Variants in SMCHD1 observed in about 807,000 individuals in gnomAD.
SMCHD1 encodes the protein structural maintenance of chromosomes flexible hinge domain containing 1.
A neutral mutation model predicts 254.7 loss-of-function variants in SMCHD1; 78 were observed. That is an observed-to-expected ratio of 0.31 (90% CI 0.26 to 0.37). SMCHD1 has a LOEUF of 0.37. SMCHD1 is among the 10% of genes least tolerant of loss of function. SMCHD1 has a pLI of 1.00. For missense variants in SMCHD1, 1,840 were observed against 2,408.1 expected (o/e 0.76, Z 4.94); for synonymous variants, 766 against 794.9 (o/e 0.96, Z 0.61).
chr18:2,735,432 A>G (rs2075230451), intron 25 of SMCHD1, among the ~76,000 whole-genome samples: 1 of 152,186 alleles, frequency 6.6e-6, no homozygotes, highest in Non-Finnish European at 1.5e-5. Flanking sequence ...AGTTCTACCC[A>G]GAGCAATCAG....
intron 46 of SMCHD1, 51 bp downstream of exon 46, chr18:2,796,158 A>G: frequency 7.3e-7 from 1 of 1,378,488 alleles, no homozygotes. Context: ...GGAGATAAAT[A>G]TTTATGATGA....
intron 3 of SMCHD1, among the ~76,000 whole-genome samples, chr18:2,671,034 T>TA (rs917622235): frequency 2.7e-5 from 4 of 150,096 alleles, no homozygotes; most frequent in Admixed American, 2.7e-4. Flanking sequence ...CCTCCTGGGT[T>TA]CAAGCAATTC....
intron 22 of SMCHD1, chr18:2,726,746 G>A: frequency 4.2e-6 from 1 of 237,364 alleles, no homozygotes; most frequent in Non-Finnish European, 8.0e-6. Context: ...AGAAAAATTT[G>A]GATATTGAAA....
chr18:2,768,065 G>A (rs938140526), intron 37 of SMCHD1, among the ~76,000 whole-genome samples: 9 of 152,110 alleles, frequency 5.9e-5, no homozygotes, highest in Admixed American at 2.6e-4. Flanking sequence ...TTAGTGAATT[G>A]TTATGTGGTG....
intron 36 of SMCHD1, 62 bp from the exon 37 acceptor site, chr18:2,763,575 C>T: frequency 7.7e-7 from 1 of 1,293,420 alleles, no homozygotes; most frequent in South Asian, 1.6e-5. Flanking sequence ...TTTGTACATG[C>T]TCTTCTCTGG....
intron 5 of SMCHD1, among the ~76,000 whole-genome samples, chr18:2,686,553 AT>A (rs537028567): frequency 3.9e-4 from 59 of 150,278 alleles, no homozygotes; most frequent in Non-Finnish European, 6.5e-4. Flanking sequence ...TTGTTTTAAG[AT>A]TTTTTTTTTA....
At chr18:2,738,769 T>C (rs2075297344) in intron 26 of SMCHD1, among the ~76,000 whole-genome samples, 1 of 152,136 alleles carries the variant, frequency 6.6e-6, no homozygotes, top group African/African-American at 2.4e-5. Flanking sequence ...TAAAGGAAAG[T>C]TTAGTGCCAG....
chr18:2,722,163 T>C (rs1289859275), intron 19 of SMCHD1, among the ~76,000 whole-genome samples: 2 of 152,158 alleles, frequency 1.3e-5, no homozygotes, highest in African/African-American at 4.8e-5. Flanking sequence ...CTCTTTCCTA[T>C]GAAAAGGTAT....
intron 3 of SMCHD1, among the ~76,000 whole-genome samples, chr18:2,669,335 G>A (rs749419014): frequency 1.3e-5 from 2 of 152,090 alleles, no homozygotes; most frequent in Admixed American, 1.3e-4. Flanking sequence ...GCAACAGAGT[G>A]AGCCTCTCTC....
At chr18:2,730,470 C>T (rs2075117278) in intron 24 of SMCHD1, among the ~76,000 whole-genome samples, 1 of 152,126 alleles carries the variant, frequency 6.6e-6, no homozygotes, top group South Asian at 2.1e-4. Flanking sequence ...GTGCCTGGCC[C>T]ACAAAGGGAT....
intron 34 of SMCHD1, among the ~76,000 whole-genome samples, chr18:2,759,337 G>C (rs1377077522): frequency 6.6e-6 from 1 of 151,958 alleles, no homozygotes; most frequent in African/African-American, 2.4e-5. Flanking sequence ...TTTGCAAGCT[G>C]GTCTGCTTTA....
Position 2,775,798 on chromosome 18 carries a change from G to A in SMCHD1, c.5240G>A (p.Ser1747Asn), listed in dbSNP as rs1249535855. 1 of 1,613,550 alleles carries A rather than the reference G, an allele frequency of 6.2e-7. No individual in the cohort carries two copies. Among genetic ancestry groups the A allele is most frequent in the African/African-American group, 1.3e-5 (1 of 75,040 alleles). ...AAMVISWHLA[S>N]DMDCVVTLTT... ...ATGGTTATTTCTTGGCATCTGGCAAGTGACATGGACTGTGTAGTCACCCTA... is the reference window on the plus strand; with the variant it reads ...ATGGTTATTTCTTGGCATCTGGCAAATGACATGGACTGTGTAGTCACCCTA... Residue 1747 changes from serine to asparagine, a missense_variant, in exon 42 of 48, where the codon AGT becomes AAT. Physicochemically the swap from Ser to Asn is conservative, Grantham distance 46. Coordinates refer to ENST00000320876, the MANE Select transcript of SMCHD1 (RefSeq NM_015295.3).
chr18:2,665,090 C>CT (rs2073398407), intron 1 of SMCHD1, among the ~76,000 whole-genome samples: 1 of 152,122 alleles, frequency 6.6e-6, no homozygotes, highest in Non-Finnish European at 1.5e-5. Context: ...AGCCTTTTCT[C>CT]TTAACTATAT....
rs1598380632 is a variant in SMCHD1 at position 2,732,386 on chromosome 18, A to C, written c.3170A>C (p.Glu1057Ala). ...GCAATTCAGATCAAACATCAGGATGAGGTTAATTGGATAGCGGGTGATATT... is the reference window on the plus strand; with the variant it reads ...GCAATTCAGATCAAACATCAGGATGCGGTTAATTGGATAGCGGGTGATATT... ...QKAIQIKHQDEVNWIAGDIMH... is the reference protein window; with the variant it reads ...QKAIQIKHQDAVNWIAGDIMH... Residue 1057 changes from glutamate to alanine, a missense_variant, in exon 25 of 48, where the codon GAG becomes GCG. Around this residue, in one of 9 missense-constraint regions of SMCHD1, gnomAD observed 881 missense variants for 1,009.5 expected, o/e 0.87. Coordinates refer to ENST00000320876, the MANE Select transcript of SMCHD1 (RefSeq NM_015295.3). The C allele has an allele frequency of 6.2e-7, 1 of 1,613,508 alleles. No individual in the cohort carries two copies. The highest frequency in any genetic ancestry group is 1.3e-5 in the African/African-American group (1 of 74,936).
intron 45 of SMCHD1, among the ~76,000 whole-genome samples, chr18:2,790,926 G>T (rs2076309300): frequency 6.6e-6 from 1 of 152,024 alleles, no homozygotes; most frequent in South Asian, 2.1e-4. Context: ...TTTTAAAAAT[G>T]AAAAACAAAG....
intron 1 of SMCHD1, among the ~76,000 whole-genome samples, chr18:2,660,975 A>T (rs1405848182): frequency 6.6e-6 from 1 of 152,214 alleles, no homozygotes; most frequent in African/African-American, 2.4e-5. Flanking sequence ...TGGCACATAT[A>T]CACCATGGAA....
chr18:2,770,212 A>C, intron 39 of SMCHD1, 104 bp downstream of exon 39: 1 of 1,186,922 alleles, frequency 8.4e-7, no homozygotes, highest in Non-Finnish European at 1.2e-6. Flanking sequence ...ATTACAAGTA[A>C]AATACAGAAT....
intron 39 of SMCHD1, among the ~76,000 whole-genome samples, chr18:2,770,874 G>A (rs1044613693): frequency 6.6e-6 from 1 of 152,026 alleles, no homozygotes; most frequent in African/African-American, 2.4e-5. Context: ...GCCCACCTTG[G>A]CCCCCACAAA....
chr18:2,757,832 C>G (rs1429805165), intron 34 of SMCHD1, among the ~76,000 whole-genome samples: 1 of 152,014 alleles, frequency 6.6e-6, no homozygotes, highest in Non-Finnish European at 1.5e-5. Flanking sequence ...CATAAGAGAA[C>G]AAATACATAT....
Sources: gnomAD v4.1 joint callset for allele counts (sites outside exome capture counted in the v4.1 genomes callset) on GRCh38, gnomAD v4.1.1 for gene constraint, gnomAD v4.1.1 regional missense constraint, MANE v1.5 for transcripts, NCBI Gene and HGNC (gene_info 2026-07-23, HGNC 2026-07-21) for gene names.